Variants in PMVK observed in about 807,000 individuals in gnomAD.
PMVK encodes phosphomevalonate kinase.
In PMVK, 10 loss-of-function variants were observed where a neutral mutation model predicts 19.0. The ratio of observed to expected loss-of-function variants is 0.53; its 90% CI spans 0.32 to 0.89. The LOEUF (loss-of-function observed/expected upper bound fraction) is 0.89, where lower values mean the gene tolerates loss of function less well. Among genes scored for constraint, PMVK ranks in the 40% least tolerant of loss-of-function variants. The pLI is 0.03. For synonymous variants in PMVK, 108 were observed against 101.6 expected, an observed-to-expected ratio of 1.06 and a Z score of -0.38; for missense variants, 222 against 251.1, an observed-to-expected ratio of 0.88 and a Z score of 0.78.
chr1:154,937,843 G>A (rs1360254651), upstream of PMVK: 1 of 152,026 alleles, frequency 6.6e-6, no homozygotes, highest in African/African-American at 2.4e-5. Context: ...TGTTTTTTGG[G>A]GTTTTTTTTG....
chr1:154,936,577 C>G lies in PMVK; in HGVS notation c.95+14G>C, dbSNP rs759495462. ...GGAGAGCTCCCCCTTCCACCTTTCC[C>G]GCCTCACGGACACCTGCTCTGCAGC... On this transcript the variant is annotated intron_variant, in intron 1 of 4. Transcript: ENST00000368467. The G allele has an allele frequency of 6.3e-7, 1 of 1,590,148 alleles. No homozygotes were observed. The highest frequency in any genetic ancestry group is 8.6e-7 in the Non-Finnish European group (1 of 1,168,062).
In PMVK at chr1:154,925,182, G is replaced by A. The variant is rs145291838; in HGVS notation, c.526C>T (p.Arg176Cys). Residue 176 changes from arginine to cysteine, a missense_variant, in exon 5 of 5, where the codon CGC (arginine) becomes TGC (cysteine). By Grantham distance (180) the Arg-to-Cys change is radical. Transcript: ENST00000368467. Reference sequence around the variant, plus strand: ...AGGTTCTCCAACTGCTCCTCCAGGCGCTGTTCAACTCCATGGTTCTCGATG... The same window carrying A: ...AGGTTCTCCAACTGCTCCTCCAGGCACTGTTCAACTCCATGGTTCTCGATG... Reference protein sequence around the residue: ...WVIENHGVEQRLEEQLENLIE... With the variant: ...WVIENHGVEQCLEEQLENLIE... The A allele has an allele frequency of 8.1e-6, 13 of 1,613,390 alleles. No homozygotes were observed. The highest frequency in any genetic ancestry group is 3.3e-4 in the Middle Eastern group (2 of 6,060).
At chr1:154,927,005 A>T (rs1457488389) in intron 3 of PMVK, among the ~76,000 whole-genome samples, 2 of 152,170 alleles carry the variant, frequency 1.3e-5, no homozygotes, top group Non-Finnish European at 2.9e-5. Context: ...CCTGCTCAGA[A>T]CAAAATCCTT....
In PMVK at chr1:154,925,210, CCAGT is replaced by C. The variant is rs1381394981; in HGVS notation, c.494_497del (p.Asp165GlyfsTer19). The C allele has an allele frequency of 1.9e-6, 3 of 1,613,986 alleles. No homozygotes were observed. Among genetic ancestry groups the C allele is most frequent in the Admixed American group, 1.7e-5 (1 of 60,014 alleles). Reference sequence around the variant, plus strand: ...GTTCAACTCCATGGTTCTCGATGACCCAGTCAAAGTCCCCGAAGTTGTCCAGGCC... The same window carrying C: ...GTTCAACTCCATGGTTCTCGATGACCCAAAGTCCCCGAAGTTGTCCAGGCC... On this transcript the variant is annotated frameshift_variant, in exon 5 of 5. Transcript: ENST00000368467. LOFTEE classifies it high-confidence loss of function.
At chr1:154,928,079 C>T (rs1215134402) in intron 3 of PMVK, among the ~76,000 whole-genome samples, 1 of 152,158 alleles carries the variant, frequency 6.6e-6, no homozygotes, top group Non-Finnish European at 1.5e-5. Context: ...ACTCAATATT[C>T]ACTGCCAGAA....
rs775004187 is a variant in PMVK, at chr1:154,929,043, C to A, written c.293G>T (p.Gly98Val). The change falls in exon 3 of 5, where the codon GGC becomes GTC. Residue 98 changes from glycine (G) to valine (V), a missense_variant. Physicochemically the swap from Gly to Val is moderately radical, Grantham distance 109. Transcript: ENST00000368467. ...TCTTACCCAGATGGGCTGGGAGATG[C>A]CCTCCACAATCTTCCTGCAAAAGAA... The part of the protein sequence containing the change: ...PGFFCRKIVE[G>V]ISQPIWLVSD... 3 of 1,614,020 alleles carry A rather than the reference C, an allele frequency of 1.9e-6. 1 individual carries two copies. Among genetic ancestry groups the A allele is most frequent in the Non-Finnish European group, 2.5e-6 (3 of 1,179,946 alleles).
At position 154,925,249 on chromosome 1, in the gene PMVK, C is replaced by T. The variant is rs1166241869; in HGVS notation, c.459G>A (p.Glu153=). 6.2e-7 allele frequency: 1 copy of T among 1,614,210 alleles called. No individual in the cohort carries two copies. The highest frequency in any genetic ancestry group is 1.7e-5 in the Admixed American group (1 of 60,028). Reference sequence around the variant, plus strand: ...CGAAGTTGTCCAGGCCACATTCTGACTCAGCATCGTCCACCCCTATGAAGG... The same window carrying T: ...CGAAGTTGTCCAGGCCACATTCTGATTCAGCATCGTCCACCCCTATGAAGG... ...WVFTPGVDDA[E]SECGLDNFGD... Residue 153 remains glutamate, a synonymous_variant, in exon 5 of 5, where the codon GAG becomes GAA. Coordinates refer to ENST00000368467, the MANE Select transcript of PMVK (RefSeq NM_006556.4).
chr1:154,926,694 A>G (rs1359513657), intron 3 of PMVK, among the ~76,000 whole-genome samples: 1 of 152,210 alleles, frequency 6.6e-6, no homozygotes, highest in African/African-American at 2.4e-5. Flanking sequence ...AGTGCTGCTG[A>G]CAAGTTCATT....
At chr1:154,934,301 A>G (rs1300906916) in intron 1 of PMVK, among the ~76,000 whole-genome samples, 1 of 151,982 alleles carries the variant, frequency 6.6e-6, no homozygotes, top group East Asian at 1.9e-4. Flanking sequence ...GCCCAACGAT[A>G]AGTGTTCTTT....
Position 154,926,249 on chromosome 1 carries a change from T to A in PMVK, c.442+105A>T, listed in dbSNP as rs945311633. 24 of 1,093,486 alleles carry A rather than the reference T, an allele frequency of 2.2e-5. No homozygotes were observed. The African/African-American group carries it at 3.3e-4, about 15-fold the overall frequency. The allele number at this position is 1,093,486 out of a possible 1,614,324, so 67.7% of individuals were successfully genotyped here. A position where few individuals can be genotyped will look rare whatever the true frequency, so the allele number is the denominator to read the frequency against. On this transcript the variant is annotated intron_variant, in intron 4 of 4. Coordinates refer to ENST00000368467, the MANE Select transcript of PMVK (RefSeq NM_006556.4). ...TACTCCCTAATCAGGAGGCCTCAGA[T>A]TCTCCTTTATCATCCCTTATTCACT... is the stretch of plus-strand genomic sequence containing the variant.
intron 2 of PMVK, among the ~76,000 whole-genome samples, chr1:154,930,560 A>T (rs1379781228): frequency 8.7e-6 from 1 of 115,556 alleles, no homozygotes; most frequent in East Asian, 3.1e-4. Flanking sequence ...AGTAGGACAG[A>T]AGCAAGACCT....
At chr1:154,927,030 C>A (rs1295352202) in intron 3 of PMVK, among the ~76,000 whole-genome samples, 3 of 152,180 alleles carry the variant, frequency 2.0e-5, no homozygotes, top group Non-Finnish European at 4.4e-5. Context: ...TAGTCTCTCA[C>A]ACCCCACAGC....
At chr1:154,926,567 G>A in intron 3 of PMVK, 84 bp from the exon 4 acceptor site, 2 of 1,243,982 alleles carry the variant, frequency 1.6e-6, no homozygotes, top group Non-Finnish European at 1.1e-6. Flanking sequence ...ACCCAGGGCA[G>A]TGTGGGGTGT....
chr1:154,941,685 C>T (rs1411590156), upstream of PMVK, among the ~76,000 whole-genome samples: 1 of 152,178 alleles, frequency 6.6e-6, no homozygotes, highest in Non-Finnish European at 1.5e-5. Flanking sequence ...TTCCAGAAGC[C>T]AATAGGGGTG....
At chr1:154,937,367 A>G (rs577373713), upstream of PMVK, 13 of 152,478 alleles carry the variant, frequency 8.5e-5, no homozygotes, top group South Asian at 2.4e-3. Flanking sequence ...AGACGTCACT[A>G]AGATGTGGCC....
chr1:154,928,484 A>C (rs1250390743), intron 3 of PMVK, among the ~76,000 whole-genome samples: 1 of 152,214 alleles, frequency 6.6e-6, no homozygotes, highest in Non-Finnish European at 1.5e-5. Flanking sequence ...TTAAAAGGTC[A>C]GTCTGGGCCG....
chr1:154,935,298 C>T (rs933209013), intron 1 of PMVK, among the ~76,000 whole-genome samples: 4 of 152,068 alleles, frequency 2.6e-5, no homozygotes, highest in African/African-American at 9.7e-5. Flanking sequence ...GCTCTGGGCT[C>T]TCCCACACCT....
rs1167515056 is a variant in PMVK, at chr1:154,925,336, C to G, written c.443-71G>C. ...ACAGCAGGCATCAAGGCCTGCTAAC[C>G]CCAACTGGAGTGGGCCCTCCCGGCC... On this transcript the variant is annotated intron_variant, in intron 4 of 4. Transcript: ENST00000368467. The G allele has an allele frequency of 1.2e-5, 18 of 1,554,594 alleles. No homozygotes were observed. In the East Asian group the frequency reaches 3.4e-4, roughly 29 times the overall value.
rs751710280 is a variant in PMVK, at chr1:154,929,086, G to A, written c.250C>T (p.Arg84Cys). The A allele has an allele frequency of 8.1e-6, 13 of 1,614,014 alleles. No individual in the cohort carries two copies. Among genetic ancestry groups the A allele is most frequent in the South Asian group, 4.4e-5 (4 of 91,092 alleles). Reference sequence around the variant, plus strand: ...CAAAAGAAGCCTGGGTCAGCCTGGCGTTTCTCCTCTCCCCAGCGGATCATG... The same window carrying A: ...CAAAAGAAGCCTGGGTCAGCCTGGCATTTCTCCTCTCCCCAGCGGATCATG... ...KDMIRWGEEK[R>C]QADPGFFCRK... Residue 84 changes from arginine to cysteine, a missense_variant, in exon 3 of 5, where the codon CGC becomes TGC. Arg to Cys is a radical substitution (Grantham distance 180). Transcript: ENST00000368467.
Sources: gnomAD v4.1 joint callset for allele counts (sites outside exome capture counted in the v4.1 genomes callset) on GRCh38, gnomAD v4.1.1 for gene constraint, MANE v1.5 for transcripts, NCBI Gene and HGNC (gene_info 2026-07-23, HGNC 2026-07-21) for gene names.